RNF220: variants seen among roughly 807,000 people sequenced by gnomAD.
RNF220 encodes ring finger protein 220.
In RNF220, 7 loss-of-function variants were observed where a neutral mutation model predicts 67.1. The ratio of observed to expected loss-of-function variants is 0.10; its 90% CI spans 0.06 to 0.20. The LOEUF is 0.20. Ranked by LOEUF, RNF220 falls within the 10% of genes least tolerant of loss-of-function variation. The probability of loss-of-function intolerance (pLI) is 1.00; values close to 1 mark genes in which losing one functional copy is unlikely to be tolerated. For synonymous variants in RNF220, 270 were observed against 283.2 expected (o/e 0.95, Z 0.47); for missense variants, 565 against 740.3 (o/e 0.76, Z 2.75).
intron 2 of RNF220, among the ~76,000 whole-genome samples, chr1:44,557,121 A>ATG (rs943904001): frequency 6.8e-6 from 1 of 147,542 alleles, no homozygotes; most frequent in Non-Finnish European, 1.5e-5. Context: ...ATATGTATAT[A>ATG]TGTATATATA....
intron 2 of RNF220, among the ~76,000 whole-genome samples, chr1:44,535,731 A>C (rs1018053463): frequency 1.3e-5 from 2 of 152,182 alleles, no homozygotes; most frequent in Non-Finnish European, 2.9e-5. Context: ...CTCCTGGGTG[A>C]CTACTGAAGC....
At position 44,624,465 on chromosome 1, in the gene RNF220, T is replaced by A. The variant is rs899576328; in HGVS notation, c.804+1678T>A. On this transcript the variant is annotated intron_variant, in intron 4 of 14. Coordinates refer to ENST00000361799, the MANE Select transcript of RNF220 (RefSeq NM_018150.4). This position sits in a 1 kb window ranked among gnomAD's most constrained non-coding sequence, Gnocchi z 4.2. ...CAGACATAGGAAGTCTTAAAACATGTGTCCTGAAACCACAGACACAGGCAT... is the reference window on the plus strand; with the variant it reads ...CAGACATAGGAAGTCTTAAAACATGAGTCCTGAAACCACAGACACAGGCAT... Among the ~76,000 whole-genome samples the A allele has an allele frequency of 6.6e-6, 1 of 152,134 alleles. No individual in the cohort carries two copies. Among genetic ancestry groups the A allele is most frequent in the Non-Finnish European group, 1.5e-5 (1 of 68,014 alleles).
intron 2 of RNF220, among the ~76,000 whole-genome samples, chr1:44,438,597 A>G (rs183461402): frequency 7.9e-5 from 12 of 152,302 alleles, no homozygotes; most frequent in African/African-American, 2.2e-4. Flanking sequence ...CTAGGCTCCC[A>G]TTGAGCTTAC....
Position 44,606,315 on chromosome 1 carries a change from A to G in RNF220, c.626-7850A>G, listed in dbSNP as rs1389447019. ...ATATTGACTGAAGGTAAAAAATGCCATCTGTCAGCATGTTAACTCTTGCTG... is the reference window on the plus strand; with the variant it reads ...ATATTGACTGAAGGTAAAAAATGCCGTCTGTCAGCATGTTAACTCTTGCTG... On this transcript the variant is annotated intron_variant, in intron 2 of 14. Coordinates refer to ENST00000361799, the MANE Select transcript of RNF220 (RefSeq NM_018150.4). The surrounding 1 kb of genome is among the most constrained non-coding windows in gnomAD (Gnocchi z 4.2). Among the ~76,000 whole-genome samples the G allele has an allele frequency of 1.3e-5, 2 of 152,224 alleles. No individual in the cohort carries two copies. The highest frequency in any genetic ancestry group is 2.9e-5 in the Non-Finnish European group (2 of 68,036).
chr1:44,422,551 T>G (rs1259988908), intron 2 of RNF220, among the ~76,000 whole-genome samples: 1 of 152,150 alleles, frequency 6.6e-6, no homozygotes, highest in South Asian at 2.1e-4. Context: ...ATGGGGAGAT[T>G]TTTATTGTCA....
In RNF220 at chr1:44,641,677, A is replaced by C. The variant is rs780844725; in HGVS notation, c.1127-3021A>C. ...GAAGTCAGCAAGTGACATTTCATTA[A>C]GAAAATAAAGTTTAATGTGCTGGGA... On this transcript the variant is annotated intron_variant, in intron 8 of 14. Coordinates refer to ENST00000361799, the MANE Select transcript of RNF220 (RefSeq NM_018150.4). 2.3e-3 allele frequency among the ~76,000 whole-genome samples: 358 copies of C among 152,364 alleles called. 2 individuals carry two copies. The highest frequency in any genetic ancestry group is 2.0e-3 in the Non-Finnish European group (133 of 68,040).
chr1:44,550,261 C>A (rs546671759), intron 2 of RNF220, among the ~76,000 whole-genome samples: 1 of 152,192 alleles, frequency 6.6e-6, no homozygotes, highest in Non-Finnish European at 1.5e-5. Flanking sequence ...CGAGAAGAAG[C>A]CCAGATGACC....
At chr1:44,629,786 G>A (rs948856883) in intron 5 of RNF220, among the ~76,000 whole-genome samples, 6 of 152,140 alleles carry the variant, frequency 3.9e-5, no homozygotes, top group East Asian at 1.9e-4. Flanking sequence ...GACTGAAAAC[G>A]GACTCAGAGA....
At chr1:44,547,865 T>C (rs1003134878) in intron 2 of RNF220, among the ~76,000 whole-genome samples, 3 of 152,222 alleles carry the variant, frequency 2.0e-5, no homozygotes, top group African/African-American at 7.2e-5. Flanking sequence ...TATCCAGTCA[T>C]GAGATCTTGA....
At chr1:44,582,713 C>A (rs1050261438) in intron 2 of RNF220, among the ~76,000 whole-genome samples, 3 of 141,562 alleles carry the variant, frequency 2.1e-5, no homozygotes, top group Non-Finnish European at 4.5e-5. Flanking sequence ...GCAAAGATCG[C>A]GTTACTGCAC....
At chr1:44,599,354 G>T (rs1357376769) in intron 2 of RNF220, among the ~76,000 whole-genome samples, 1 of 152,198 alleles carries the variant, frequency 6.6e-6, no homozygotes, top group African/African-American at 2.4e-5. Context: ...CTTCAAAGAG[G>T]AAGCATTGTC....
intron 3 of RNF220, among the ~76,000 whole-genome samples, chr1:44,619,418 G>C (rs953335636): frequency 6.6e-6 from 1 of 152,160 alleles, no homozygotes; most frequent in Non-Finnish European, 1.5e-5. Flanking sequence ...GGCCGGCCTC[G>C]GTGTTTGGTT....
At chr1:44,604,461 C>T (rs1407232014) in intron 2 of RNF220, among the ~76,000 whole-genome samples, 1 of 152,228 alleles carries the variant, frequency 6.6e-6, no homozygotes, top group Non-Finnish European at 1.5e-5. Flanking sequence ...TTGAAATAGC[C>T]AAGGTCATGG....
Position 44,645,568 on chromosome 1 carries a change from G to A in RNF220, c.1445+80G>A. On this transcript the variant is annotated intron_variant, in intron 12 of 14. Coordinates refer to ENST00000361799, the MANE Select transcript of RNF220 (RefSeq NM_018150.4). This position sits in a 1 kb window ranked among gnomAD's most constrained non-coding sequence, Gnocchi z 5.0. ...CCCTTTGCTAGCAGGAAGGCCTGCT[G>A]CCAGGGCTTCTGGCCCTCCCAAGTG... is the stretch of plus-strand genomic sequence containing the variant. 1.4e-6 allele frequency: 2 copies of A among 1,418,598 alleles called. No individual in the cohort carries two copies. The highest frequency in any genetic ancestry group is 2.0e-6 in the Non-Finnish European group (2 of 1,017,804). 87.9% of individuals were successfully genotyped at this position (1,418,598 alleles called of 1,614,324 possible). A position where few individuals can be genotyped will look rare whatever the true frequency, so the allele number is the denominator to read the frequency against.
chr1:44,563,996 AG>A (rs1317730320), intron 2 of RNF220, among the ~76,000 whole-genome samples: 1 of 152,188 alleles, frequency 6.6e-6, no homozygotes, highest in Admixed American at 6.5e-5. Context: ...AACATTTATT[AG>A]ATACCTATCG....
chr1:44,644,593 T>A, intron 8 of RNF220, 105 bp from the exon 9 acceptor site: 1 of 803,884 alleles, frequency 1.2e-6, no homozygotes, highest in Non-Finnish European at 2.1e-6. Context: ...GGTTTCCCTC[T>A]GGGCCTTATC....
intron 2 of RNF220, among the ~76,000 whole-genome samples, chr1:44,609,425 G>A (rs770809512): frequency 5.1e-4 from 78 of 152,354 alleles, no homozygotes; most frequent in South Asian, 3.1e-3. Context: ...TGCCAAGCCA[G>A]AGAGGCAATC....
At chr1:44,541,222 G>A (rs1661646230) in intron 2 of RNF220, among the ~76,000 whole-genome samples, 1 of 152,266 alleles carries the variant, frequency 6.6e-6, no homozygotes, top group Admixed American at 6.5e-5. Context: ...GAGACCAGGA[G>A]TTCAAGACCA....
chr1:44,431,218 G>A (rs907893272), intron 2 of RNF220, among the ~76,000 whole-genome samples: 40 of 152,100 alleles, frequency 2.6e-4, no homozygotes, highest in African/African-American at 7.2e-5. Flanking sequence ...TAAGACGGCC[G>A]GGCGAGGTGG....
Sources: allele counts gnomAD v4.1 joint callset (sites outside exome capture counted in the v4.1 genomes callset), GRCh38; gene constraint gnomAD v4.1.1; non-coding constraint Gnocchi (gnomAD v3.1); transcripts MANE v1.5; gene names NCBI Gene and HGNC (gene_info 2026-07-23, HGNC 2026-07-21).